The following IL1R1 variants were observed in gnomAD, a reference collection of about 807,000 sequenced individuals.
IL1R1 encodes the protein interleukin 1 receptor type 1, also known as interleukin-1 receptor type 1.
Under a neutral mutation model 50.2 loss-of-function variants are expected in IL1R1, and 22 were observed. That is an observed-to-expected ratio of 0.44 (90% CI 0.31 to 0.63). The LOEUF is 0.63. IL1R1 is among the 20% of genes least tolerant of loss of function. IL1R1 has a pLI of 0.07. For synonymous variants in IL1R1, 251 were observed against 236.7 expected (o/e 1.06, Z -0.55); for missense variants, 509 against 676.2 (o/e 0.75, Z 2.74).
chr2:102,102,862 A>G (rs1397792961), upstream of IL1R1, among the ~76,000 whole-genome samples: 1 of 152,172 alleles, frequency 6.6e-6, no homozygotes, highest in Non-Finnish European at 1.5e-5. Flanking sequence ...CATGGATACA[A>G]CTGGAGGCCA....
At chr2:102,098,453 T>C (rs954119130) in intron 1 of IL1R1, among the ~76,000 whole-genome samples, 1 of 152,164 alleles carries the variant, frequency 6.6e-6, no homozygotes, top group African/African-American at 2.4e-5. Flanking sequence ...TGAACAGAGC[T>C]ATTATTATTT....
chr2:102,088,618 A>G (rs1315659492), intron 1 of IL1R1, among the ~76,000 whole-genome samples: 2 of 152,200 alleles, frequency 1.3e-5, no homozygotes, highest in African/African-American at 4.8e-5. Context: ...TTAGCTCCTA[A>G]TAAGAAAGTC....
chr2:102,169,092 G>T (rs1212571218), intron 7 of IL1R1, among the ~76,000 whole-genome samples: 1 of 151,736 alleles, frequency 6.6e-6, no homozygotes, highest in Non-Finnish European at 1.5e-5. Context: ...AATTATATTT[G>T]ACATCTTAAA....
intron 1 of IL1R1, among the ~76,000 whole-genome samples, chr2:102,112,716 G>A (rs1680841366): frequency 6.6e-6 from 1 of 152,188 alleles, no homozygotes; most frequent in African/African-American, 2.4e-5. Context: ...AAGTGTAATG[G>A]AAATAAATAC....
chr2:102,167,661 G>T (rs1437860029), intron 6 of IL1R1, among the ~76,000 whole-genome samples: 1 of 151,700 alleles, frequency 6.6e-6, no homozygotes, highest in African/African-American at 2.4e-5. Flanking sequence ...TGTTAGCCAG[G>T]ATGGTCTCGA....
intron 7 of IL1R1, among the ~76,000 whole-genome samples, chr2:102,170,971 G>A (rs1181343052): frequency 2.0e-5 from 3 of 152,180 alleles, no homozygotes; most frequent in Admixed American, 6.5e-5. Context: ...TGAGGCATGA[G>A]AGTCACTTGA....
chr2:102,133,026 C>T (rs748214503), intron 1 of IL1R1, among the ~76,000 whole-genome samples: 3 of 151,370 alleles, frequency 2.0e-5, no homozygotes, highest in African/African-American at 4.9e-5. Context: ...AGGAAGATCA[C>T]GAGGTCAGGA....
upstream of IL1R1, among the ~76,000 whole-genome samples, chr2:102,100,905 T>A (rs549622894): frequency 1.4e-3 from 206 of 152,246 alleles, no homozygotes; most frequent in Middle Eastern, 3.4e-3. Context: ...TTGCCTGGAA[T>A]AGGAGTATGA....
At chr2:102,120,271 A>G (rs1354100734) in intron 1 of IL1R1, among the ~76,000 whole-genome samples, 6 of 151,630 alleles carry the variant, frequency 4.0e-5, no homozygotes, top group Non-Finnish European at 8.8e-5. Flanking sequence ...ATGTGTGTTG[A>G]GTCAGTGTGT....
chr2:102,129,784 A>T (rs1356858657), intron 1 of IL1R1, among the ~76,000 whole-genome samples: 1 of 152,290 alleles, frequency 6.6e-6, no homozygotes, highest in Middle Eastern at 3.4e-3. Flanking sequence ...CTTTATGTAG[A>T]GCAGACGTTC....
chr2:102,129,220 C>G (rs961823595), intron 1 of IL1R1, among the ~76,000 whole-genome samples: 8 of 151,190 alleles, frequency 5.3e-5, no homozygotes, highest in African/African-American at 1.9e-4. Context: ...CAACAACAAA[C>G]AAACAAAAGA....
chr2:102,170,537 G>A (rs1424209834), intron 7 of IL1R1, among the ~76,000 whole-genome samples: 1 of 152,098 alleles, frequency 6.6e-6, no homozygotes, highest in Non-Finnish European at 1.5e-5. Flanking sequence ...GTATAAATTA[G>A]TCAGATAATA....
chr2:102,143,964 T>C (rs1682898074), intron 1 of IL1R1, among the ~76,000 whole-genome samples: 1 of 152,196 alleles, frequency 6.6e-6, no homozygotes, highest in South Asian at 2.1e-4. Context: ...GTGATGGATG[T>C]CTCAGTCGCT....
intron 7 of IL1R1, among the ~76,000 whole-genome samples, chr2:102,170,655 A>G (rs1685590908): frequency 6.6e-6 from 1 of 152,222 alleles, no homozygotes. Flanking sequence ...ATGTCTTAGA[A>G]GTGTCCATAA....
chr2:102,128,137 T>C (rs1467012840), intron 1 of IL1R1, among the ~76,000 whole-genome samples: 2 of 152,232 alleles, frequency 1.3e-5, no homozygotes, highest in Non-Finnish European at 2.9e-5. Context: ...AATGTGGTTT[T>C]GGTTGATGCT....
chr2:102,094,228 C>T (rs897455008), intron 1 of IL1R1, among the ~76,000 whole-genome samples: 2 of 152,112 alleles, frequency 1.3e-5, no homozygotes, highest in Non-Finnish European at 1.5e-5. Context: ...CTGGTGAAAA[C>T]GTGAAATTGT....
At chr2:102,138,611 G>C (rs115591501), upstream of IL1R1, among the ~76,000 whole-genome samples, 1 of 152,162 alleles carries the variant, frequency 6.6e-6, no homozygotes, top group Non-Finnish European at 1.5e-5. Flanking sequence ...AAGGGAGAGT[G>C]TTGAGTAGAT....
chr2:102,171,962 C>T (rs774606532), intron 8 of IL1R1, 44 bp downstream of exon 8: 13 of 1,020,034 alleles, frequency 1.3e-5, no homozygotes, highest in African/African-American at 8.2e-5. Flanking sequence ...TTAAATCCCA[C>T]GTGATATTTT....
In IL1R1 at chr2:102,108,955, A is replaced by G. The variant is rs1361175964; in HGVS notation, c.-84+4083A>G. 6.1e-5 allele frequency among the ~76,000 whole-genome samples: 3 copies of G among 48,830 alleles called. No individual in the cohort carries two copies. The East Asian group carries it at 2.8e-3, about 46-fold the overall frequency. 32.0% of individuals were successfully genotyped at this position (48,830 alleles called of 152,430 possible). On this transcript the variant is annotated intron_variant, in intron 1 of 10. Coordinates refer to the IL1R1 transcript ENST00000409329. ...TTTGAACTTGGTACTGAATAATAATAATAATAATAATAATAATAATAATAA... is the reference window on the plus strand; with the variant it reads ...TTTGAACTTGGTACTGAATAATAATGATAATAATAATAATAATAATAATAA...
Sources: allele counts gnomAD v4.1 joint callset (sites outside exome capture counted in the v4.1 genomes callset), GRCh38; gene constraint gnomAD v4.1.1; transcripts MANE v1.5; gene names NCBI Gene and HGNC (gene_info 2026-07-23, HGNC 2026-07-21).